The following RP1 variants were observed in gnomAD, a reference collection of about 807,000 sequenced individuals.
RP1 encodes oxygen-regulated protein 1.
Under a neutral mutation model 14.8 loss-of-function variants are expected in RP1, and 16 were observed. That is an observed-to-expected ratio of 1.08 (90% CI 0.73 to 1.65). RP1 has a LOEUF of 1.65. RP1 is among the 40% of genes most tolerant of loss of function. The probability of loss-of-function intolerance (pLI) is 0.00; values close to 1 mark genes in which losing one functional copy is unlikely to be tolerated. For synonymous variants in RP1, 876 were observed against 883.6 expected (o/e 0.99, Z 0.15); for missense variants, 2,631 against 2,535.0 (o/e 1.04, Z -0.81).
chr8:54,679,726 C>A, intron 11 of RP1: 1 of 1,519,798 alleles, frequency 6.6e-7, no homozygotes, highest in African/African-American at 1.4e-5. Flanking sequence ...TTAGTAAGTG[C>A]TGTTTCTTAG....
chr8:54,848,378 G>A (rs963793929), intron 25 of RP1, among the ~76,000 whole-genome samples: 5 of 152,142 alleles, frequency 3.3e-5, no homozygotes, highest in South Asian at 4.1e-4. Context: ...TTGCAGGAGC[G>A]GTAGGGAGAG....
At chr8:54,830,653 C>T (rs999739470) in intron 24 of RP1, among the ~76,000 whole-genome samples, 2 of 152,024 alleles carry the variant, frequency 1.3e-5, no homozygotes, top group African/African-American at 4.8e-5. Context: ...ATAATCTCTG[C>T]CATTTAAATA....
intron 1 of RP1, among the ~76,000 whole-genome samples, chr8:54,580,300 C>CTTTTTTTTTTT (rs906806636): frequency 1.2e-5 from 1 of 80,176 alleles, no homozygotes; most frequent in Non-Finnish European, 2.3e-5. Context: ...TCGTAGACTT[C>CTTTTTTTTTTT]TTTTTTTTTT....
exon 25 of RP1, chr8:54,837,464 T>A (rs1585734928): frequency 8.1e-7 from 1 of 1,227,834 alleles, no homozygotes; most frequent in Admixed American, 4.2e-5. Context: ...ATCTCAAAGA[T>A]ATTGGTGAAA....
chr8:54,789,960 G>A (rs1019333209), intron 24 of RP1, among the ~76,000 whole-genome samples: 2 of 152,180 alleles, frequency 1.3e-5, no homozygotes, highest in African/African-American at 2.4e-5. Flanking sequence ...GACCAGCCAT[G>A]AGCACTGTCT....
intron 1 of RP1, among the ~76,000 whole-genome samples, chr8:54,595,130 AC>A (rs1805110796): frequency 1.3e-5 from 2 of 151,734 alleles, no homozygotes; most frequent in Admixed American, 6.6e-5. Flanking sequence ...GATCCTCCAA[AC>A]ATTTTTTTTT....
At chr8:54,651,577 A>G (rs1806655610) in intron 4 of RP1, among the ~76,000 whole-genome samples, 2 of 151,828 alleles carry the variant, frequency 1.3e-5, no homozygotes, top group Non-Finnish European at 2.9e-5. Context: ...TTCTTTTATA[A>G]TCCTTTTTAT....
At chr8:54,566,612 T>C (rs1279809323) in intron 1 of RP1, among the ~76,000 whole-genome samples, 4 of 152,106 alleles carry the variant, frequency 2.6e-5, no homozygotes, top group Non-Finnish European at 5.9e-5. Flanking sequence ...TTCCAGCTGC[T>C]TCTCTGAGGG....
At chr8:54,815,399 C>A (rs1370058770) in intron 24 of RP1, among the ~76,000 whole-genome samples, 1 of 152,126 alleles carries the variant, frequency 6.6e-6, no homozygotes, top group Non-Finnish European at 1.5e-5. Context: ...ATCAATTAAC[C>A]AATACTTAAT....
At chr8:54,833,056 C>G (rs567021814) in intron 24 of RP1, among the ~76,000 whole-genome samples, 122 of 152,102 alleles carry the variant, frequency 8.0e-4, no homozygotes, top group Non-Finnish European at 8.5e-4. Flanking sequence ...TGCAGTCATA[C>G]CTGCATGTGA....
chr8:54,856,495 T>G (rs936506011), intron 26 of RP1, among the ~76,000 whole-genome samples: 1 of 152,212 alleles, frequency 6.6e-6, no homozygotes, highest in Non-Finnish European at 1.5e-5. Flanking sequence ...GTAAAAGATA[T>G]TAAGAGACAG....
In RP1 at chr8:54,628,961, G is replaced by A. The variant is rs751088395; in HGVS notation, c.5079G>A (p.Leu1693=). The A allele has an allele frequency of 1.5e-5, 24 of 1,613,874 alleles. No homozygotes were observed. The highest frequency in any genetic ancestry group is 1.9e-5 in the Non-Finnish European group (23 of 1,179,950). Residue 1693 remains leucine (L), a synonymous_variant, in exon 4 of 4, where the codon TTG becomes TTA. Transcript: ENST00000220676. ...AGGTATCTAGTAGTTCATCTATGTT[G>A]CAGGAATTCCAGGAGGAAAGACAAG... ...SEQVSSSSSM[L]QEFQEERQDK...
chr8:54,860,330 T>G (rs1436188229), intron 27 of RP1, among the ~76,000 whole-genome samples: 4 of 152,110 alleles, frequency 2.6e-5, no homozygotes, highest in Non-Finnish European at 5.9e-5. Context: ...ATAGTGAGAT[T>G]CTCAAGTTAT....
intron 25 of RP1, among the ~76,000 whole-genome samples, chr8:54,843,304 A>G (rs976885595): frequency 1.3e-5 from 2 of 152,068 alleles, no homozygotes; most frequent in African/African-American, 4.8e-5. Flanking sequence ...CTGGTCTCAA[A>G]CTCCTGACCT....
In RP1 at chr8:54,579,801, T is replaced by C. The variant is rs555255377; in HGVS notation, c.-13+20481T>C. ...TCCCTGGCCTCTGAGCCTAAGTTCC[T>C]TATTCCTTCAAGTTAAATACATGTG... On this transcript the variant is annotated intron_variant, in intron 1 of 22. Transcript: ENST00000636932. Among the ~76,000 whole-genome samples, 4 of 152,214 alleles carry C rather than the reference T, an allele frequency of 2.6e-5. No individual in the cohort carries two copies. The South Asian group carries it at 8.3e-4, about 32-fold the overall frequency.
downstream of RP1, chr8:54,630,878 AT>A (rs1180910998): frequency 8.4e-6 from 8 of 947,060 alleles, no homozygotes; most frequent in Non-Finnish European, 8.8e-6. Context: ...ATCCAGTGAA[AT>A]TGCAAGCATT....
intron 1 of RP1, among the ~76,000 whole-genome samples, chr8:54,564,284 G>A (rs533130632): frequency 1.3e-4 from 20 of 152,304 alleles, no homozygotes; most frequent in Non-Finnish European, 2.9e-4. Context: ...GGTGCCTACC[G>A]GGTGCAGGTA....
At chr8:54,591,008 C>T (rs915845660) in intron 1 of RP1, among the ~76,000 whole-genome samples, 1 of 152,192 alleles carries the variant, frequency 6.6e-6, no homozygotes, top group Non-Finnish European at 1.5e-5. Flanking sequence ...TAGTAAGTCT[C>T]AACAGTTCCA....
chr8:54,620,716 C>A (rs1042378194), intron 1 of RP1, among the ~76,000 whole-genome samples: 1 of 151,936 alleles, frequency 6.6e-6, no homozygotes, highest in African/African-American at 2.4e-5. Context: ...GGCCCTTATT[C>A]GTGTGTTTAG....
Sources: gnomAD v4.1 joint callset for allele counts (sites outside exome capture counted in the v4.1 genomes callset) on GRCh38, gnomAD v4.1.1 for gene constraint, MANE v1.5 for transcripts, NCBI Gene and HGNC (gene_info 2026-07-23, HGNC 2026-07-21) for gene names.